CDH4: variants seen among roughly 807,000 people sequenced by gnomAD.
The protein encoded by CDH4 is cadherin-4.
A neutral mutation model predicts 86.0 loss-of-function variants in CDH4; 33 were observed. The ratio of observed to expected loss-of-function variants is 0.38; its 90% CI spans 0.29 to 0.51. The LOEUF (loss-of-function observed/expected upper bound fraction) is 0.51, where lower values mean the gene tolerates loss of function less well. CDH4 is among the 20% of genes least tolerant of loss of function. CDH4 has a pLI of 0.86. For missense variants in CDH4, 1,114 were observed against 1,307.4 expected, an observed-to-expected ratio of 0.85 and a Z score of 2.28; for synonymous variants, 555 against 549.4, an observed-to-expected ratio of 1.01 and a Z score of -0.14.
intron 6 of CDH4, among the ~76,000 whole-genome samples, 192 bp from the exon 7 acceptor site, chr20:61,873,533 CCTT>C (rs1220923806): frequency 6.6e-6 from 1 of 152,266 alleles, no homozygotes; most frequent in Admixed American, 6.5e-5. Flanking sequence ...TAGAAGAAAT[CCTT>C]CTATGATTCT....
intron 4 of CDH4, among the ~76,000 whole-genome samples, chr20:61,782,812 A>T (rs935141029): frequency 2.6e-5 from 4 of 152,192 alleles, no homozygotes; most frequent in Admixed American, 1.3e-4. Flanking sequence ...GGCTGGGTGC[A>T]GTGGCTCATG....
At chr20:61,378,588 A>G (rs2084884323) in intron 2 of CDH4, among the ~76,000 whole-genome samples, 1 of 152,110 alleles carries the variant, frequency 6.6e-6, no homozygotes, top group African/African-American at 2.4e-5. Context: ...TCATAGGAAC[A>G]CCTGTCATTG....
chr20:61,911,379 A>C (rs2054848724), intron 9 of CDH4, among the ~76,000 whole-genome samples: 1 of 152,246 alleles, frequency 6.6e-6, no homozygotes, highest in African/African-American at 2.4e-5. Flanking sequence ...CTCTTTTTCT[A>C]CACTCATAAT....
intron 2 of CDH4, among the ~76,000 whole-genome samples, chr20:61,512,848 C>A (rs527380659): frequency 6.6e-6 from 1 of 152,350 alleles, no homozygotes; most frequent in South Asian, 2.1e-4. Context: ...AGAGGACCGA[C>A]CTCTCAGTCT....
chr20:61,590,876 TGG>T (rs71185923), intron 2 of CDH4, among the ~76,000 whole-genome samples: 2,062 of 137,594 alleles, frequency 0.015, 70 homozygotes, highest in African/African-American at 0.051. Context: ...CCTAAATCTA[TGG>T]GGGGGGGGGT....
chr20:61,336,007 A>C (rs1166560086), intron 2 of CDH4, among the ~76,000 whole-genome samples: 1 of 152,194 alleles, frequency 6.6e-6, no homozygotes, highest in East Asian at 1.9e-4. Flanking sequence ...ACAACTGGCC[A>C]GTGTGAGAGA....
intron 2 of CDH4, among the ~76,000 whole-genome samples, chr20:61,442,997 T>G (rs2085322394): frequency 6.6e-6 from 1 of 152,164 alleles, no homozygotes; most frequent in Admixed American, 6.5e-5. Context: ...CACCCCCAGG[T>G]ATGTGAATCA....
chr20:61,765,719 C>G (rs921512158), intron 3 of CDH4, among the ~76,000 whole-genome samples: 1 of 152,102 alleles, frequency 6.6e-6, no homozygotes, highest in African/African-American at 2.4e-5. Flanking sequence ...GGCCAGGAGT[C>G]AGGAAGGGGA....
chr20:61,457,423 C>T (rs145531630), intron 2 of CDH4, among the ~76,000 whole-genome samples: 1 of 152,202 alleles, frequency 6.6e-6, no homozygotes, highest in African/African-American at 2.4e-5. Flanking sequence ...ATTCAACTCC[C>T]AAAGCAGGTG....
At chr20:61,910,281 T>C (rs1023111489) in intron 8 of CDH4, 141 bp from the exon 9 acceptor site, 1 of 711,558 alleles carries the variant, frequency 1.4e-6, no homozygotes, top group South Asian at 1.7e-5. Context: ...CGGTGTGTTC[T>C]GTTTGTGAAC....
At chr20:61,763,129 G>A (rs1416633587) in intron 3 of CDH4, among the ~76,000 whole-genome samples, 5 of 152,202 alleles carry the variant, frequency 3.3e-5, no homozygotes, top group African/African-American at 1.2e-4. Flanking sequence ...GTGACCTATC[G>A]CCAAAGGTCG....
intron 3 of CDH4, among the ~76,000 whole-genome samples, chr20:61,746,376 T>C (rs1188592559): frequency 6.6e-6 from 1 of 152,166 alleles, no homozygotes; most frequent in Non-Finnish European, 1.5e-5. Flanking sequence ...ATGGTTCCTC[T>C]CCTGACTTTC....
At chr20:61,926,821 C>G (rs948412948) in intron 11 of CDH4, among the ~76,000 whole-genome samples, 2 of 152,104 alleles carry the variant, frequency 1.3e-5, no homozygotes, top group Non-Finnish European at 2.9e-5. Context: ...TGCAGTGAGC[C>G]AAGATCGCCC....
At chr20:61,477,641 G>A (rs867836860) in intron 2 of CDH4, among the ~76,000 whole-genome samples, 3 of 152,226 alleles carry the variant, frequency 2.0e-5, no homozygotes, top group African/African-American at 4.8e-5. Context: ...TTGACACACA[G>A]TGAACCTGCT....
intron 4 of CDH4, among the ~76,000 whole-genome samples, chr20:61,823,907 G>A (rs549893929): frequency 6.6e-6 from 1 of 152,258 alleles, no homozygotes; most frequent in East Asian, 1.9e-4. Context: ...GTAGTGGGGC[G>A]GCTTTCTTTA....
At position 61,783,772 on chromosome 20, in the gene CDH4, G is replaced by A. The variant is rs190595795; in HGVS notation, c.576+10590G>A. ...GGGAGAAATGTAAGCCTAGTTCCTC[G>A]GGACAGTTCTCGAGGCCCTCAGGTG... On this transcript the variant is annotated intron_variant, in intron 4 of 15. Coordinates refer to ENST00000614565, the MANE Select transcript of CDH4 (RefSeq NM_001794.5). 6.1e-4 allele frequency among the ~76,000 whole-genome samples: 69 copies of A among 113,350 alleles called. 7 individuals carry two copies. Among genetic ancestry groups the A allele is most frequent in the African/African-American group, 2.1e-3 (66 of 30,750 alleles). The allele number at this position is 113,350 out of a possible 152,430, so 74.4% of individuals were successfully genotyped here.
chr20:61,295,320 C>T (rs762663476), intron 2 of CDH4, among the ~76,000 whole-genome samples: 4 of 152,088 alleles, frequency 2.6e-5, no homozygotes, highest in Non-Finnish European at 5.9e-5. Context: ...ACTGACCATG[C>T]GGTATTGAGG....
chr20:61,929,092 T>C (rs1011297588), intron 12 of CDH4, among the ~76,000 whole-genome samples: 1 of 152,194 alleles, frequency 6.6e-6, no homozygotes, highest in Non-Finnish European at 1.5e-5. Flanking sequence ...TAAAACTCTT[T>C]ATATATTCAG....
intron 4 of CDH4, among the ~76,000 whole-genome samples, chr20:61,781,494 C>T (rs971656720): frequency 6.6e-6 from 1 of 152,138 alleles, no homozygotes; most frequent in Non-Finnish European, 1.5e-5. Context: ...GTATCTCTAA[C>T]GGAAAACTCA....
Sources: gnomAD v4.1 joint callset for allele counts (sites outside exome capture counted in the v4.1 genomes callset) on GRCh38, gnomAD v4.1.1 for gene constraint, MANE v1.5 for transcripts, NCBI Gene and HGNC (gene_info 2026-07-23, HGNC 2026-07-21) for gene names.